The following PHIP variants were observed in gnomAD, a reference collection of about 807,000 sequenced individuals.
PHIP encodes PHIP subunit of CUL4-Ring ligase complex.
PHIP carries 54 observed loss-of-function variants against 236.8 expected under a neutral mutation model. That is an observed-to-expected ratio of 0.23 (90% confidence interval 0.18 to 0.29). The LOEUF (loss-of-function observed/expected upper bound fraction) is 0.29. Among genes scored for constraint, PHIP ranks in the 10% least tolerant of loss-of-function variants. PHIP has a pLI of 1.00. For synonymous variants in PHIP, 756 were observed against 718.9 expected (o/e 1.05, Z -0.83); for missense variants, 1,370 against 2,190.8 (o/e 0.63, Z 7.48).
intron 15 of PHIP, 59 bp downstream of exon 15, chr6:79,015,023 C>G (rs68067309): frequency 1.1e-5 from 15 of 1,418,312 alleles, no homozygotes; most frequent in Non-Finnish European, 1.4e-5. Context: ...ATGCAGAGTA[C>G]CTTTGTCAAA....
At chr6:79,018,204 A>G (rs538057712) in intron 10 of PHIP, among the ~76,000 whole-genome samples, 1 of 152,062 alleles carries the variant, frequency 6.6e-6, no homozygotes, top group East Asian at 1.9e-4. Context: ...AAAAAAATCA[A>G]ATTGTCCTTG....
At chr6:79,055,025 T>C (rs1035757205) in intron 6 of PHIP, among the ~76,000 whole-genome samples, 3 of 152,060 alleles carry the variant, frequency 2.0e-5, no homozygotes, top group Non-Finnish European at 4.4e-5. Flanking sequence ...GCAAAGTTTT[T>C]TCCTTACCCT....
chr6:78,982,551 A>G (rs1348058376), intron 23 of PHIP, among the ~76,000 whole-genome samples: 1 of 152,094 alleles, frequency 6.6e-6, no homozygotes, highest in African/African-American at 2.4e-5. Context: ...AAGGCAATTC[A>G]TAGATTAATA....
rs1482697869 is a variant in PHIP at position 78,961,939 on chromosome 6, A to G, written c.3536-129T>C. ...CATTAGTCTGCCACTGTCTTTTCATAAACAATATAGTGTAGCTGACATAAA... is the reference window on the plus strand; with the variant it reads ...CATTAGTCTGCCACTGTCTTTTCATGAACAATATAGTGTAGCTGACATAAA... On this transcript the variant is annotated intron_variant, in intron 30 of 39. Transcript: ENST00000275034. 7.3e-6 allele frequency: 5 copies of G among 681,542 alleles called. No individual in the cohort carries two copies. The East Asian group carries it at 1.2e-4, about 16-fold the overall frequency. 42.2% of individuals were successfully genotyped at this position (681,542 alleles called of 1,614,324 possible).
At chr6:78,975,475 GCT>G (rs1767982477) in intron 24 of PHIP, among the ~76,000 whole-genome samples, 1 of 152,186 alleles carries the variant, frequency 6.6e-6, no homozygotes, top group Admixed American at 6.5e-5. Context: ...AGACAGGGAT[GCT>G]CTCTCTCACC....
intron 7 of PHIP, among the ~76,000 whole-genome samples, chr6:79,029,456 A>C (rs1023653575): frequency 6.6e-6 from 1 of 152,234 alleles, no homozygotes; most frequent in Admixed American, 6.5e-5. Flanking sequence ...GACTAGAAGA[A>C]CTGCAGAGGA....
intron 31 of PHIP, 66 bp downstream of exon 31, chr6:78,961,624 G>A: frequency 6.5e-7 from 1 of 1,532,032 alleles, no homozygotes; most frequent in South Asian, 1.2e-5. Context: ...CACTGCTAAA[G>A]ATCAGTAAAT....
chr6:79,054,625 A>T (rs770562923), intron 6 of PHIP, among the ~76,000 whole-genome samples: 1 of 151,326 alleles, frequency 6.6e-6, no homozygotes, highest in East Asian at 1.9e-4. Context: ...TGTAACTGTT[A>T]ACTTATATAT....
At chr6:78,949,838 G>A (rs950544786) in intron 35 of PHIP, among the ~76,000 whole-genome samples, 17 of 151,932 alleles carry the variant, frequency 1.1e-4, no homozygotes, top group African/African-American at 3.6e-4. Context: ...ATAGGTGCAC[G>A]CCACTGCACC....
intron 6 of PHIP, among the ~76,000 whole-genome samples, chr6:79,053,096 T>C (rs952585634): frequency 7.9e-5 from 12 of 152,120 alleles, no homozygotes; most frequent in African/African-American, 2.7e-4. Flanking sequence ...GGTGGATCAC[T>C]TGAGGTCACG....
chr6:78,959,793 A>G (rs1766656668), intron 31 of PHIP, among the ~76,000 whole-genome samples: 2 of 152,166 alleles, frequency 1.3e-5, no homozygotes, highest in African/African-American at 4.8e-5. Flanking sequence ...ATCTTGAAAT[A>G]CAGATGTTCC....
intron 4 of PHIP, among the ~76,000 whole-genome samples, chr6:79,072,412 C>T (rs921608353): frequency 2.0e-5 from 3 of 152,122 alleles, no homozygotes; most frequent in Non-Finnish European, 4.4e-5. Context: ...TGGTATTAAA[C>T]ATTTTTCCTT....
chr6:79,051,116 C>G (rs1259327525), intron 6 of PHIP, among the ~76,000 whole-genome samples: 3 of 152,102 alleles, frequency 2.0e-5, no homozygotes, highest in Admixed American at 2.0e-4. Context: ...ACACGGGTAT[C>G]AAGGAAGTAA....
intron 4 of PHIP, among the ~76,000 whole-genome samples, chr6:79,071,668 G>T (rs1215090296): frequency 4.6e-5 from 7 of 152,020 alleles, no homozygotes; most frequent in Non-Finnish European, 7.4e-5. Flanking sequence ...GCAACTAAAG[G>T]CTACTTAGCT....
At chr6:79,039,420 A>G (rs1451502367) in intron 7 of PHIP, among the ~76,000 whole-genome samples, 1 of 148,844 alleles carries the variant, frequency 6.7e-6, no homozygotes, top group Non-Finnish European at 1.5e-5. Flanking sequence ...TTCCCTTACC[A>G]TCTCCTACCA....
chr6:79,020,730 C>A (rs544088613), intron 9 of PHIP, among the ~76,000 whole-genome samples: 1 of 152,260 alleles, frequency 6.6e-6, no homozygotes, highest in East Asian at 1.9e-4. Context: ...TTCACAATAG[C>A]GAAGATTTGT....
At chr6:79,046,451 C>G (rs1000153775) in intron 6 of PHIP, among the ~76,000 whole-genome samples, 2 of 152,134 alleles carry the variant, frequency 1.3e-5, no homozygotes, top group African/African-American at 4.8e-5. Flanking sequence ...TTATTATATT[C>G]ATTGCTTATT....
chr6:78,971,059 AACCAAAGTGTTCTAAATAACATT>A (rs1299442520), intron 24 of PHIP, among the ~76,000 whole-genome samples, 171 bp from the exon 25 acceptor site: 28 of 152,320 alleles, frequency 1.8e-4, no homozygotes, highest in African/African-American at 5.5e-4. Context: ...ACTAAATCAT[AACCAAAGTGTTCTAAATAACATT>A]ACTTTGAATA....
rs768081139 is a variant in PHIP, at chr6:78,940,977, C to A, written c.5182G>T (p.Asp1728Tyr). Residue 1728 changes from aspartate (D) to tyrosine (Y), a missense_variant, in exon 40 of 40, where the codon GAT becomes TAT. Coordinates refer to ENST00000275034, the MANE Select transcript of PHIP (RefSeq NM_017934.7). ...RKMKTQKLDA[D>Y]LLVPASVKVL... Reference sequence around the variant, plus strand: ...TTGACACTTGCAGGGACTAGGAGATCTGCATCTAATTTTTGTGTCTTCATC... The same window carrying A: ...TTGACACTTGCAGGGACTAGGAGATATGCATCTAATTTTTGTGTCTTCATC... 1 of 1,614,004 alleles carries A rather than the reference C, an allele frequency of 6.2e-7. No individual in the cohort carries two copies. The highest frequency in any genetic ancestry group is 8.5e-7 in the Non-Finnish European group (1 of 1,179,926).
Sources: gnomAD v4.1 joint callset for allele counts (sites outside exome capture counted in the v4.1 genomes callset) on GRCh38, gnomAD v4.1.1 for gene constraint, MANE v1.5 for transcripts, NCBI Gene and HGNC (gene_info 2026-07-23, HGNC 2026-07-21) for gene names.